Variants in DSC2 observed in about 807,000 individuals in gnomAD.
DSC2 encodes desmocollin 2, also known as desmocollin-2.
In DSC2, 51 loss-of-function variants were observed where a neutral mutation model predicts 87.6. The observed-to-expected ratio is 0.58, with a 90% CI of 0.46 to 0.74. The LOEUF is 0.74. DSC2 is among the 30% of genes least tolerant of loss of function. The pLI, the probability that DSC2 is intolerant of heterozygous loss-of-function variation, is 0.00. For synonymous variants in DSC2, 383 were observed against 393.2 expected (o/e 0.97, Z 0.31); for missense variants, 1,066 against 1,089.5 (o/e 0.98, Z 0.30).
At chr18:31,068,834 G>C (rs758550429) in intron 15 of DSC2, 60 bp downstream of exon 15, 60 of 1,586,368 alleles carry the variant, frequency 3.8e-5, no homozygotes, top group Non-Finnish European at 4.9e-5. Flanking sequence ...AATCCAGTTA[G>C]TTATTTATAA....
intron 1 of DSC2, among the ~76,000 whole-genome samples, chr18:31,096,528 G>A (rs534566877): frequency 1.3e-5 from 2 of 152,216 alleles, no homozygotes; most frequent in Admixed American, 6.5e-5. Flanking sequence ...TGGCCCTGGC[G>A]TGGATCTGTG....
rs1189454269 is a variant in DSC2, at chr18:31,101,179, C to T, written c.69+724G>A. The T allele has an allele frequency of 7.1e-6, 7 of 985,130 alleles. No homozygotes were observed. The South Asian group carries it at 3.3e-4, about 46-fold the overall frequency. 61.0% of individuals were successfully genotyped at this position (985,130 alleles called of 1,614,324 possible). A position where few individuals can be genotyped will look rare whatever the true frequency, so the allele number is the denominator to read the frequency against. On this transcript the variant is annotated intron_variant, in intron 1 of 15. Coordinates refer to ENST00000280904, the MANE Select transcript of DSC2 (RefSeq NM_024422.6). ...CCTCCGAAGATTTAGGGAACTGAAG[C>T]CTCGCACGTTAAGAAACCACTGAAA...
intron 1 of DSC2, among the ~76,000 whole-genome samples, chr18:31,095,326 CA>C (rs1285168959): frequency 6.6e-6 from 1 of 152,052 alleles, no homozygotes; most frequent in Non-Finnish European, 1.5e-5. Context: ...CAGTCAATGG[CA>C]AATGATGTAG....
intron 13 of DSC2, 46 bp from the exon 14 acceptor site, chr18:31,070,896 G>A: frequency 6.2e-7 from 1 of 1,601,608 alleles, no homozygotes; most frequent in Non-Finnish European, 8.5e-7. Flanking sequence ...AAAATAATAT[G>A]AAGTTATAAA....
At position 31,092,370 on chromosome 18, in the gene DSC2, C is replaced by T. The variant is rs541820899; in HGVS notation, c.155-70G>A. 2.8e-6 allele frequency: 4 copies of T among 1,408,298 alleles called. No individual in the cohort carries two copies. In the African/African-American group the frequency reaches 5.7e-5, roughly 20 times the overall value. The allele number at this position is 1,408,298 out of a possible 1,614,324, so 87.2% of individuals were successfully genotyped here. On this transcript the variant is annotated intron_variant, in intron 2 of 15. Transcript: ENST00000280904. ...GATATAGTTTTAACAGTAATGTATGCACGTGGGGAGAGCCAAAAACTTAAA... is the reference window on the plus strand; with the variant it reads ...GATATAGTTTTAACAGTAATGTATGTACGTGGGGAGAGCCAAAAACTTAAA...
rs779900062 is a variant in DSC2 at position 31,069,171 on chromosome 18, C to T, written c.2251-20G>A. 94 of 1,613,836 alleles carry T rather than the reference C, an allele frequency of 5.8e-5. No homozygotes were observed. Among genetic ancestry groups the T allele is most frequent in the Admixed American group, 1.0e-4 (6 of 59,998 alleles). On this transcript the variant is annotated intron_variant, in intron 14 of 15. Transcript: ENST00000280904. ...AGAATACTGAAATGAAAACAATTTG[C>T]ATTAGGGATAATACAGAGAGGAACA...
At chr18:31,099,142 T>A (rs1342897203) in intron 1 of DSC2, among the ~76,000 whole-genome samples, 1 of 152,218 alleles carries the variant, frequency 6.6e-6, no homozygotes, top group Non-Finnish European at 1.5e-5. Flanking sequence ...TGAAGACATC[T>A]GAACTAGTAA....
chr18:31,089,164 CAA>C (rs768405529), intron 5 of DSC2, among the ~76,000 whole-genome samples: 5 of 102,862 alleles, frequency 4.9e-5, no homozygotes, highest in African/African-American at 8.2e-5. Context: ...GATGCTGTCT[CAA>C]AAAAAAAAAA....
intron 1 of DSC2, among the ~76,000 whole-genome samples, chr18:31,096,618 T>C (rs1257818153): frequency 6.6e-6 from 1 of 152,212 alleles, no homozygotes; most frequent in Non-Finnish European, 1.5e-5. Context: ...ATCACCATCA[T>C]AGATGCTGAC....
chr18:31,101,566 C>G (rs1245559892), intron 1 of DSC2: 6 of 288,502 alleles, frequency 2.1e-5, no homozygotes, highest in East Asian at 1.4e-4. Flanking sequence ...GCACTCCGAC[C>G]CCGGCGCACT....
chr18:31,088,020 T>C (rs1987464419), intron 5 of DSC2, among the ~76,000 whole-genome samples: 1 of 152,244 alleles, frequency 6.6e-6, no homozygotes, highest in Non-Finnish European at 1.5e-5. Context: ...TGTTTAAATT[T>C]ATCTCTTTAA....
intron 2 of DSC2, 94 bp downstream of exon 2, chr18:31,093,465 A>G: frequency 1.1e-6 from 1 of 932,156 alleles, no homozygotes. Flanking sequence ...TCCAAGGGAC[A>G]AGATCTCGTT....
In DSC2 at chr18:31,089,334, T is replaced by C; in HGVS notation, c.630+105A>G. The C allele has an allele frequency of 3.1e-6, 4 of 1,311,382 alleles. No homozygotes were observed. The South Asian group carries it at 4.8e-5, about 16-fold the overall frequency. The allele number at this position is 1,311,382 out of a possible 1,614,324, so 81.2% of individuals were successfully genotyped here. A position where few individuals can be genotyped will look rare whatever the true frequency, so the allele number is the denominator to read the frequency against. ...TGCTATTAGGGAGTAGCCAGAGCAT[T>C]GGTGACAAACTCAGAAAGCAGAAAA... is the stretch of plus-strand genomic sequence containing the variant. On this transcript the variant is annotated intron_variant, in intron 5 of 15. Coordinates refer to ENST00000280904, the MANE Select transcript of DSC2 (RefSeq NM_024422.6).
In DSC2 at chr18:31,063,936, A is replaced by G. The variant is rs1216992164; in HGVS notation, c.*4079T>C. ...AGCTCTTAGGCAGAATGGCATGATC[A>G]TATCTGCTCTTTGATGGCCCTTGAA... On this transcript the variant is annotated 3_prime_UTR_variant, in exon 16 of 16. Transcript: ENST00000280904. 1 of 152,200 alleles carries G rather than the reference A, an allele frequency of 6.6e-6. No homozygotes were observed. Among genetic ancestry groups the G allele is most frequent in the Admixed American group, 6.5e-5 (1 of 15,272 alleles). The allele number at this position is 152,200 out of a possible 1,614,324, so 9.4% of individuals were successfully genotyped here. A position where few individuals can be genotyped will look rare whatever the true frequency, so the allele number is the denominator to read the frequency against.
rs1986578509 is a variant in DSC2 at position 31,064,971 on chromosome 18, C to T, written c.*3044G>A. ...GAAAAAGTAATGATTACCAGGAGCC[C>T]CCAGACACACACTGCATGGAACAGA... is the stretch of plus-strand genomic sequence containing the variant. On this transcript the variant is annotated 3_prime_UTR_variant, in exon 16 of 16. Transcript: ENST00000280904. 6.6e-6 allele frequency: 1 copy of T among 152,156 alleles called. No individual in the cohort carries two copies. Among genetic ancestry groups the T allele is most frequent in the Non-Finnish European group, 1.5e-5 (1 of 68,046 alleles). 9.4% of individuals were successfully genotyped at this position (152,156 alleles called of 1,614,324 possible). A position where few individuals can be genotyped will look rare whatever the true frequency, so the allele number is the denominator to read the frequency against.
chr18:31,086,650 G>A lies in DSC2; in HGVS notation c.868C>T (p.Pro290Ser), dbSNP rs1987408258. Residue 290 changes from proline (P) to serine (S), a missense_variant, in exon 7 of 16, where the codon CCA (proline) becomes TCA (serine). Physicochemically the swap from Pro to Ser is moderately conservative, Grantham distance 74. Transcript: ENST00000280904. ...TGCATAGAAAATAGGGTGGGTGATG[G>A]TGGCACCTGCCCAATGATGGAGTAC... ...LKYSIIGQVP[P>S]SPTLFSMHPT... is the part of the protein sequence containing the mutation. 1 of 1,614,150 alleles carries A rather than the reference G, an allele frequency of 6.2e-7. No individual in the cohort carries two copies. The highest frequency in any genetic ancestry group is 1.3e-5 in the African/African-American group (1 of 75,046).
intron 5 of DSC2, among the ~76,000 whole-genome samples, chr18:31,089,114 G>A (rs963435887): frequency 6.5e-4 from 94 of 145,262 alleles, no homozygotes; most frequent in African/African-American, 2.1e-3. Flanking sequence ...GCAGTGAGCC[G>A]AGATTACGCC....
Position 31,060,578 on chromosome 18 carries a change from C to T in DSC2, c.*7437G>A, listed in dbSNP as rs1986482201. 1.3e-5 allele frequency: 2 copies of T among 152,322 alleles called. No individual in the cohort carries two copies. The highest frequency in any genetic ancestry group is 4.8e-5 in the African/African-American group (2 of 41,574). 9.4% of individuals were successfully genotyped at this position (152,322 alleles called of 1,614,324 possible). On this transcript the variant is annotated 3_prime_UTR_variant, in exon 16 of 16. Transcript: ENST00000280904. Reference sequence around the variant, plus strand: ...AGTGATGCCAAACAGTTGCTGCCTTCTGGACAGTCACTTGTTCCACCTGCT... The same window carrying T: ...AGTGATGCCAAACAGTTGCTGCCTTTTGGACAGTCACTTGTTCCACCTGCT...
intron 1 of DSC2, among the ~76,000 whole-genome samples, chr18:31,097,002 A>G (rs541038433): frequency 6.6e-6 from 1 of 152,252 alleles, no homozygotes; most frequent in South Asian, 2.1e-4. Context: ...TCATACCCAT[A>G]AACAAAACCA....
Sources: gnomAD v4.1 joint callset for allele counts (sites outside exome capture counted in the v4.1 genomes callset) on GRCh38, gnomAD v4.1.1 for gene constraint, MANE v1.5 for transcripts, NCBI Gene and HGNC (gene_info 2026-07-23, HGNC 2026-07-21) for gene names.